DNAH14: variants seen among roughly 807,000 people sequenced by gnomAD.
The protein encoded by DNAH14 is axonemal beta dynein heavy chain 14.
In DNAH14, 478 loss-of-function variants were observed where a neutral mutation model predicts 520.9. That is an observed-to-expected ratio of 0.92 (90% CI 0.85 to 0.99). The LOEUF (loss-of-function observed/expected upper bound fraction) is 0.99. DNAH14 is among the 50% of genes least tolerant of loss of function. DNAH14 has a pLI of 0.00. For missense variants in DNAH14, 4,831 were observed against 5,234.5 expected (o/e 0.92, Z 2.38); for synonymous variants, 1,581 against 1,757.2 (o/e 0.90, Z 2.51).
chr1:225,095,842 T>C (rs185009959), intron 21 of DNAH14, among the ~76,000 whole-genome samples: 9 of 152,198 alleles, frequency 5.9e-5, no homozygotes, highest in Admixed American at 3.3e-4. Flanking sequence ...TAGGGAGGGA[T>C]AGGAGGAAGT....
chr1:225,223,230 A>G (rs1261075165), intron 41 of DNAH14, among the ~76,000 whole-genome samples: 1 of 152,202 alleles, frequency 6.6e-6, no homozygotes, highest in Non-Finnish European at 1.5e-5. Context: ...CAAAACAATC[A>G]GGTATACAAA....
intron 60 of DNAH14, among the ~76,000 whole-genome samples, chr1:225,314,351 C>T (rs2094429177): frequency 6.6e-6 from 1 of 152,172 alleles, no homozygotes; most frequent in South Asian, 2.1e-4. Flanking sequence ...AGATGGGTCT[C>T]CTGAATACAG....
intron 27 of DNAH14, among the ~76,000 whole-genome samples, chr1:225,139,281 T>C (rs769159761): frequency 1.2e-4 from 18 of 152,208 alleles, no homozygotes; most frequent in Non-Finnish European, 2.4e-4. Flanking sequence ...TCAAATCTGC[T>C]CTCCTAAGAT....
At chr1:224,962,765 C>G (rs1226662522) in intron 4 of DNAH14, among the ~76,000 whole-genome samples, 4 of 152,104 alleles carry the variant, frequency 2.6e-5, no homozygotes, top group African/African-American at 9.7e-5. Context: ...TTCTTTCCAG[C>G]TTTTTGAAAG....
intron 55 of DNAH14, among the ~76,000 whole-genome samples, chr1:225,293,056 C>G (rs140919214): frequency 6.6e-6 from 1 of 151,818 alleles, no homozygotes; most frequent in South Asian, 2.1e-4. Flanking sequence ...ATGTAGCCAA[C>G]AATTATATGT....
At chr1:224,951,624 C>A (rs957438771) in intron 1 of DNAH14, among the ~76,000 whole-genome samples, 1 of 150,134 alleles carries the variant, frequency 6.7e-6, no homozygotes, top group Non-Finnish European at 1.5e-5. Context: ...CAGCTTCATA[C>A]CTACTGTGTA....
At chr1:225,393,449 A>G (rs562086968) in intron 84 of DNAH14, among the ~76,000 whole-genome samples, 1 of 152,218 alleles carries the variant, frequency 6.6e-6, no homozygotes, top group Non-Finnish European at 1.5e-5. Context: ...AGTGTAACAC[A>G]ATGGTAATTT....
chr1:225,262,883 T>C (rs1323930046), intron 46 of DNAH14, among the ~76,000 whole-genome samples: 1 of 152,026 alleles, frequency 6.6e-6, no homozygotes, highest in Non-Finnish European at 1.5e-5. Context: ...AAAAATGACA[T>C]TGATATTTTT....
intron 47 of DNAH14, among the ~76,000 whole-genome samples, chr1:225,264,938 T>C (rs1197239306): frequency 6.6e-6 from 1 of 152,186 alleles, no homozygotes; most frequent in Non-Finnish European, 1.5e-5. Flanking sequence ...GTTATATGTG[T>C]CTGTCGTGCA....
chr1:225,388,207 C>G (rs2095863940), intron 81 of DNAH14, among the ~76,000 whole-genome samples, 172 bp from the exon 82 acceptor site: 1 of 152,122 alleles, frequency 6.6e-6, no homozygotes, highest in Admixed American at 6.5e-5. Context: ...TTGTTTTGCC[C>G]TGGTAATAAG....
intron 1 of DNAH14, among the ~76,000 whole-genome samples, chr1:224,930,055 C>T (rs1167144496): frequency 6.6e-6 from 1 of 152,200 alleles, no homozygotes; most frequent in Non-Finnish European, 1.5e-5. Context: ...CGCCGGTAGC[C>T]CCGACCGCAG....
In DNAH14 at chr1:225,399,278, A is replaced by T. The variant is rs1393495585; in HGVS notation, c.*9A>T. 2.1e-5 allele frequency: 33 copies of T among 1,542,444 alleles called. No individual in the cohort carries two copies. In the Middle Eastern group the frequency reaches 1.0e-3, roughly 47 times the overall value. On this transcript the variant is annotated 3_prime_UTR_variant, in exon 86 of 86. Coordinates refer to ENST00000682510, the MANE Select transcript of DNAH14 (RefSeq NM_001367479.1). ...AGAAGAATGAAAAATAAATGTCCATATCAAACCATTTTAATTTTTGACTCT... is the reference window on the plus strand; with the variant it reads ...AGAAGAATGAAAAATAAATGTCCATTTCAAACCATTTTAATTTTTGACTCT...
intron 46 of DNAH14, 59 bp from the exon 47 acceptor site, chr1:225,264,138 T>C: frequency 7.2e-7 from 1 of 1,379,438 alleles, no homozygotes; most frequent in Non-Finnish European, 9.9e-7. Context: ...TTGTTGTTGT[T>C]TAATATACCT....
chr1:225,092,280 G>A (rs2074466484), intron 21 of DNAH14, among the ~76,000 whole-genome samples: 1 of 151,452 alleles, frequency 6.6e-6, no homozygotes, highest in Non-Finnish European at 1.5e-5. Flanking sequence ...TATGAACATG[G>A]CACATAAAAC....
At chr1:224,936,467 A>G (rs2059044386) in intron 1 of DNAH14, among the ~76,000 whole-genome samples, 1 of 152,076 alleles carries the variant, frequency 6.6e-6, no homozygotes, top group East Asian at 1.9e-4. Flanking sequence ...AGGAAAACCT[A>G]GAAGAAACGG....
At chr1:224,974,305 A>G (rs534002198) in intron 8 of DNAH14, among the ~76,000 whole-genome samples, 152 bp downstream of exon 8, 4 of 152,294 alleles carry the variant, frequency 2.6e-5, no homozygotes, top group Admixed American at 2.6e-4. Flanking sequence ...TTTATTTTTA[A>G]AAGACTATTA....
intron 17 of DNAH14, among the ~76,000 whole-genome samples, chr1:225,060,545 G>C (rs547120228): frequency 6.6e-6 from 1 of 152,072 alleles, no homozygotes; most frequent in Non-Finnish European, 1.5e-5. Flanking sequence ...AGCTTTGTTC[G>C]GTTGCTGGTG....
At chr1:225,253,851 C>T (rs957463203) in intron 44 of DNAH14, among the ~76,000 whole-genome samples, 2 of 152,080 alleles carry the variant, frequency 1.3e-5, no homozygotes, top group Non-Finnish European at 2.9e-5. Flanking sequence ...CCCTGTGTGG[C>T]ATTCACTGCC....
intron 84 of DNAH14, among the ~76,000 whole-genome samples, chr1:225,392,917 G>C (rs554797275): frequency 6.6e-6 from 1 of 152,282 alleles, no homozygotes; most frequent in African/African-American, 2.4e-5. Flanking sequence ...GAGGCAGCTT[G>C]GGCTGAAGCA....
Sources: gnomAD v4.1 joint callset for allele counts (sites outside exome capture counted in the v4.1 genomes callset) on GRCh38, gnomAD v4.1.1 for gene constraint, MANE v1.5 for transcripts, NCBI Gene and HGNC (gene_info 2026-07-23, HGNC 2026-07-21) for gene names.